RDX: variants seen among roughly 807,000 people sequenced by gnomAD.
RDX encodes deafness, autosomal recessive 24.
Under a neutral mutation model 83.7 loss-of-function variants are expected in RDX, and 32 were observed. The observed-to-expected ratio is 0.38, with a 90% CI of 0.29 to 0.51. The LOEUF (loss-of-function observed/expected upper bound fraction) is 0.51, where lower values mean the gene tolerates loss of function less well. Among genes scored for constraint, RDX ranks in the 20% least tolerant of loss-of-function variants. The pLI is 0.87. For synonymous variants in RDX, 229 were observed against 222.7 expected (o/e 1.03, Z -0.25); for missense variants, 600 against 689.9 (o/e 0.87, Z 1.46).
At chr11:110,265,140 C>A (rs1026270229) in intron 3 of RDX, among the ~76,000 whole-genome samples, 1 of 126,784 alleles carries the variant, frequency 7.9e-6, no homozygotes, top group African/African-American at 3.0e-5. Context: ...GTCACCCAGG[C>A]TGGGGTGCAA....
intron 1 of RDX, among the ~76,000 whole-genome samples, chr11:110,286,042 C>T (rs1313007351): frequency 2.1e-5 from 3 of 139,864 alleles, no homozygotes; most frequent in Non-Finnish European, 4.9e-5. Flanking sequence ...TTACTCCCTC[C>T]TCCCCACTCT....
chr11:110,246,206 C>T (rs138275692), intron 10 of RDX, among the ~76,000 whole-genome samples: 118 of 152,162 alleles, frequency 7.8e-4, no homozygotes, highest in African/African-American at 2.7e-3. Flanking sequence ...TAGGTTATTG[C>T]TATTTATTCT....
At chr11:110,295,642 G>GAAAAAAAAAAAA (rs370760081) in intron 1 of RDX, among the ~76,000 whole-genome samples, 1 of 122,256 alleles carries the variant, frequency 8.2e-6, no homozygotes, top group Non-Finnish European at 1.7e-5. Context: ...TGTTTAAACT[G>GAAAAAAAAAAAA]AAAAAAAAAA....
intron 15 of RDX, chr11:110,175,334 C>G (rs771726371): frequency 6.6e-6 from 1 of 152,220 alleles, no homozygotes; most frequent in Non-Finnish European, 1.5e-5. Context: ...CTTTCAGACT[C>G]TTGACAATGC....
intron 14 of RDX, among the ~76,000 whole-genome samples, chr11:110,208,811 C>G (rs1863700272): frequency 6.6e-6 from 1 of 151,976 alleles, no homozygotes. Flanking sequence ...CAAAAATTAC[C>G]TGGGGGTAGT....
chr11:110,254,254 TC>T, intron 8 of RDX, 145 bp from the exon 9 acceptor site: 1 of 724,098 alleles, frequency 1.4e-6, no homozygotes, highest in South Asian at 1.8e-5. Context: ...ATTTCATAAC[TC>T]CCAGTGAGCA....
intron 15 of RDX, among the ~76,000 whole-genome samples, chr11:110,184,658 A>G (rs1009372247): frequency 6.6e-6 from 1 of 152,190 alleles, no homozygotes; most frequent in East Asian, 1.9e-4. Context: ...CTGTGCCAGG[A>G]AGTTGCAAAA....
chr11:110,191,859 TAAAAC>T (rs1863109496), intron 15 of RDX, among the ~76,000 whole-genome samples: 1 of 151,744 alleles, frequency 6.6e-6, no homozygotes, highest in South Asian at 2.1e-4. Context: ...TGTCTCAAAA[TAAAAC>T]AAAAATTAAA....
Position 110,279,680 on chromosome 11 carries a change from C to A in RDX, c.12+1G>T. The A allele has an allele frequency of 6.5e-7, 1 of 1,527,530 alleles. No homozygotes were observed. Among genetic ancestry groups the A allele is most frequent in the Non-Finnish European group, 9.1e-7 (1 of 1,103,126 alleles). The allele number at this position is 1,527,530 out of a possible 1,614,324, so 94.6% of individuals were successfully genotyped here. On this transcript the variant is annotated splice_donor_variant, in intron 2 of 13. Transcript: ENST00000645495. LOFTEE classifies it high-confidence loss of function. ...TGTCAAATGTAATAAAATACACTTA[C>A]TGGTTTCGGCATTTTCTTTCTCTTT...
At chr11:110,248,601 A>G (rs1002069843) in intron 9 of RDX, among the ~76,000 whole-genome samples, 1 of 152,232 alleles carries the variant, frequency 6.6e-6, no homozygotes, top group Non-Finnish European at 1.5e-5. Flanking sequence ...GCACACTTTA[A>G]TGGGGGAAAA....
At chr11:110,280,775 C>T (rs1290318868) in intron 1 of RDX, among the ~76,000 whole-genome samples, 2 of 152,186 alleles carry the variant, frequency 1.3e-5, no homozygotes, top group Non-Finnish European at 2.9e-5. Flanking sequence ...CTGCAGTGAG[C>T]GGTGATCACA....
chr11:110,294,639 G>A (rs1861373798), intron 1 of RDX, among the ~76,000 whole-genome samples: 1 of 151,886 alleles, frequency 6.6e-6, no homozygotes, highest in African/African-American at 2.4e-5. Context: ...AGCAAGGGAG[G>A]GAAACAACAG....
intron 9 of RDX, among the ~76,000 whole-genome samples, chr11:110,248,737 A>T (rs1296228638): frequency 1.3e-5 from 2 of 152,194 alleles, no homozygotes; most frequent in African/African-American, 2.4e-5. Context: ...GGAGACCTCC[A>T]CTGGGGAAAT....
chr11:110,254,277 C>A (rs1859454971), intron 8 of RDX, among the ~76,000 whole-genome samples, 168 bp from the exon 9 acceptor site: 1 of 152,140 alleles, frequency 6.6e-6, no homozygotes, highest in Non-Finnish European at 1.5e-5. Flanking sequence ...GACATACTTT[C>A]ACATAACTGG....
intron 14 of RDX, among the ~76,000 whole-genome samples, chr11:110,223,974 G>A (rs747843345): frequency 2.9e-4 from 44 of 151,704 alleles, no homozygotes; most frequent in Non-Finnish European, 4.9e-4. Context: ...GTGGTGAGCC[G>A]AGATAGCGCC....
chr11:110,212,388 C>T (rs1160768854), intron 14 of RDX, among the ~76,000 whole-genome samples: 1 of 98,078 alleles, frequency 1.0e-5, no homozygotes, highest in Non-Finnish European at 2.0e-5. Flanking sequence ...GGATTCACAG[C>T]CGAATTCTAC....
intron 7 of RDX, among the ~76,000 whole-genome samples, chr11:110,256,603 A>C (rs1365132915): frequency 6.6e-6 from 1 of 152,208 alleles, no homozygotes; most frequent in Non-Finnish European, 1.5e-5. Context: ...AGCCAGGCAC[A>C]GTGGCTCACG....
intron 1 of RDX, among the ~76,000 whole-genome samples, chr11:110,280,312 C>T (rs1181600786): frequency 1.3e-5 from 2 of 152,118 alleles, no homozygotes; most frequent in African/African-American, 4.8e-5. Context: ...GGTAACACCA[C>T]AGCTCACTGC....
chr11:110,252,631 T>G (rs1221213002), intron 9 of RDX, among the ~76,000 whole-genome samples: 1 of 152,166 alleles, frequency 6.6e-6, no homozygotes, highest in Non-Finnish European at 1.5e-5. Context: ...CAAGGCTATG[T>G]GTATAAGAAT....
Sources: allele counts gnomAD v4.1 joint callset (sites outside exome capture counted in the v4.1 genomes callset), GRCh38; gene constraint gnomAD v4.1.1; transcripts MANE v1.5; gene names NCBI Gene and HGNC (gene_info 2026-07-23, HGNC 2026-07-21).